NETO2: variants seen among roughly 807,000 people sequenced by gnomAD.
The protein encoded by NETO2 is neuropilin and tolloid like 2.
In NETO2, 28 loss-of-function variants were observed where a neutral mutation model predicts 62.5. The ratio of observed to expected loss-of-function variants is 0.45; its 90% CI spans 0.33 to 0.61. NETO2 has a LOEUF of 0.61. Among genes scored for constraint, NETO2 ranks in the 20% least tolerant of loss-of-function variants. NETO2 has a pLI of 0.02. For missense variants in NETO2, 548 were observed against 643.2 expected (o/e 0.85, Z 1.60); for synonymous variants, 214 against 219.1 (o/e 0.98, Z 0.21).
In NETO2 at chr16:47,083,554, C is replaced by A; in HGVS notation, c.1245G>T (p.Leu415Phe). 1.2e-6 allele frequency: 2 copies of A among 1,614,192 alleles called. No homozygotes were observed. The highest frequency in any genetic ancestry group is 1.7e-6 in the Non-Finnish European group (2 of 1,180,042). Residue 415 changes from leucine to phenylalanine, a missense_variant, in exon 9 of 9, where the codon TTG (leucine) becomes TTT (phenylalanine). Transcript: ENST00000562435. ...TCTGGTAGTTGTCCAATTCTTCCGA[C>A]AAGTCTGCCAGGTCTGCAGAAATCT... ...DKEISADLAD[L>F]SEELDNYQKM...
chr16:47,123,854 C>T (rs558166495), intron 4 of NETO2, among the ~76,000 whole-genome samples: 7 of 152,234 alleles, frequency 4.6e-5, no homozygotes, highest in Non-Finnish European at 8.8e-5. Context: ...TCTGCCACCA[C>T]GCTCAGCTAA....
At chr16:47,120,241 T>C (rs960064620) in intron 6 of NETO2, among the ~76,000 whole-genome samples, 5 of 152,186 alleles carry the variant, frequency 3.3e-5, no homozygotes, top group Non-Finnish European at 7.4e-5. Context: ...TGTTATTTCT[T>C]TCCTAGTTTT....
At chr16:47,122,492 A>G (rs568089541) in intron 6 of NETO2, among the ~76,000 whole-genome samples, 165 bp downstream of exon 6, 1 of 152,336 alleles carries the variant, frequency 6.6e-6, no homozygotes, top group South Asian at 2.1e-4. Flanking sequence ...TAATGCTGGG[A>G]TCTTAGTAGA....
chr16:47,094,401 TG>T (rs1488104160), intron 7 of NETO2, among the ~76,000 whole-genome samples: 1 of 150,784 alleles, frequency 6.6e-6, no homozygotes, highest in African/African-American at 2.5e-5. Context: ...AAGGAAGGTT[TG>T]TTTTATTTAT....
chr16:47,143,912 C>A lies in NETO2; in HGVS notation c.-300G>T, dbSNP rs1187654157. Reference sequence around the variant, plus strand: ...CGCGGCGCGGGACCGGCAGGCAGCTCCGCCCGCGGCCCCGGCGCGGGATCC... The same window carrying A: ...CGCGGCGCGGGACCGGCAGGCAGCTACGCCCGCGGCCCCGGCGCGGGATCC... On this transcript the variant is annotated 5_prime_UTR_variant, in exon 1 of 9. Coordinates refer to ENST00000562435, the MANE Select transcript of NETO2 (RefSeq NM_018092.5). The A allele has an allele frequency of 3.7e-5, 7 of 189,962 alleles. No homozygotes were observed. Among genetic ancestry groups the A allele is most frequent in the Middle Eastern group, 3.8e-3 (2 of 524 alleles). 11.8% of individuals were successfully genotyped at this position (189,962 alleles called of 1,614,324 possible). A position where few individuals can be genotyped will look rare whatever the true frequency, so the allele number is the denominator to read the frequency against.
In NETO2 at chr16:47,083,156, A is replaced by G; in HGVS notation, c.*65T>C. On this transcript the variant is annotated 3_prime_UTR_variant, in exon 9 of 9. Transcript: ENST00000562435. ...GAGAAAAGGGTTGGCTGCTGGAAAC[A>G]GTATGGTGCCCTGGAGGCTGCGTAC... The G allele has an allele frequency of 4.2e-6, 6 of 1,412,738 alleles. No homozygotes were observed. The highest frequency in any genetic ancestry group is 5.8e-6 in the Non-Finnish European group (6 of 1,034,960). The allele number at this position is 1,412,738 out of a possible 1,614,324, so 87.5% of individuals were successfully genotyped here. A position where few individuals can be genotyped will look rare whatever the true frequency, so the allele number is the denominator to read the frequency against.
At chr16:47,084,884 TTATTA>T (rs1963150518) in intron 8 of NETO2, among the ~76,000 whole-genome samples, 1 of 152,212 alleles carries the variant, frequency 6.6e-6, no homozygotes, top group African/African-American at 2.4e-5. Flanking sequence ...TATGATTATT[TTATTA>T]TATATTACAA....
At chr16:47,115,500 T>G (rs1343314076) in intron 6 of NETO2, among the ~76,000 whole-genome samples, 1 of 151,316 alleles carries the variant, frequency 6.6e-6, no homozygotes, top group African/African-American at 2.4e-5. Flanking sequence ...TGAACTACAG[T>G]TTTCATTGCT....
intron 7 of NETO2, among the ~76,000 whole-genome samples, chr16:47,108,256 G>A (rs1324358978): frequency 6.6e-6 from 1 of 152,104 alleles, no homozygotes; most frequent in Non-Finnish European, 1.5e-5. Context: ...TTAGGTAAAC[G>A]CTACAGTAGT....
rs1964516365 is a variant in NETO2, at chr16:47,143,761, C to A, written c.-149G>T. 9.3e-7 allele frequency: 1 copy of A among 1,072,934 alleles called. No homozygotes were observed. The highest frequency in any genetic ancestry group is 1.6e-5 in the African/African-American group (1 of 60,908). The allele number at this position is 1,072,934 out of a possible 1,614,324, so 66.5% of individuals were successfully genotyped here. ...CCGCTCCCCTGAGGAGAGCTCAGGTCCTGCGGCCCGCCATGCCCGAGCCCC... is the reference window on the plus strand; with the variant it reads ...CCGCTCCCCTGAGGAGAGCTCAGGTACTGCGGCCCGCCATGCCCGAGCCCC... On this transcript the variant is annotated 5_prime_UTR_variant, in exon 1 of 9. Transcript: ENST00000562435.
chr16:47,100,030 C>T (rs1963508965), intron 7 of NETO2, among the ~76,000 whole-genome samples: 3 of 152,196 alleles, frequency 2.0e-5, no homozygotes, highest in Admixed American at 2.0e-4. Flanking sequence ...CCACATAACA[C>T]TTATTCTAAA....
At chr16:47,123,793 G>A (rs1441215411) in intron 4 of NETO2, among the ~76,000 whole-genome samples, 2 of 152,176 alleles carry the variant, frequency 1.3e-5, no homozygotes, top group East Asian at 3.8e-4. Context: ...TGCTTCCCGG[G>A]TTCAAGCAAT....
intron 6 of NETO2, among the ~76,000 whole-genome samples, chr16:47,118,977 T>C (rs777095281): frequency 2.2e-4 from 33 of 152,138 alleles, no homozygotes; most frequent in Non-Finnish European, 1.8e-4. Context: ...TTTTAATCTA[T>C]AGGTTCTTGT....
At chr16:47,096,091 G>A (rs1393748342) in intron 7 of NETO2, among the ~76,000 whole-genome samples, 1 of 151,990 alleles carries the variant, frequency 6.6e-6, no homozygotes, top group Non-Finnish European at 1.5e-5. Context: ...AGAAATCCAC[G>A]GGAAATTATA....
At chr16:47,105,417 T>C (rs1963653330) in intron 7 of NETO2, among the ~76,000 whole-genome samples, 2 of 152,086 alleles carry the variant, frequency 1.3e-5, no homozygotes, top group African/African-American at 4.8e-5. Flanking sequence ...TGAGAAAAGC[T>C]TCATGACATT....
intron 6 of NETO2, 21 bp downstream of exon 6, chr16:47,122,636 C>A (rs376818415): frequency 1.2e-6 from 2 of 1,604,026 alleles, no homozygotes; most frequent in Non-Finnish European, 1.7e-6. Flanking sequence ...TTCTCTGAAG[C>A]GACTCAATAC....
rs1268556826 is a variant in NETO2, at chr16:47,126,178, C to T, written c.481+2147G>A. On this transcript the variant is annotated intron_variant, in intron 4 of 8. Coordinates refer to ENST00000562435, the MANE Select transcript of NETO2 (RefSeq NM_018092.5). ...GAATTTACTCAAATGAATTAACTCA[C>T]GTCCACACAAAAACCTGCACATGAA... Among the ~76,000 whole-genome samples the T allele has an allele frequency of 3.9e-5, 6 of 152,148 alleles. No individual in the cohort carries two copies. In the South Asian group the frequency reaches 1.0e-3, roughly 26 times the overall value.
At position 47,083,362 on chromosome 16, in the gene NETO2, C is replaced by T. The variant is rs763700830; in HGVS notation, c.1437G>A (p.Lys479=). 6.2e-7 allele frequency: 1 copy of T among 1,614,188 alleles called. No individual in the cohort carries two copies. The highest frequency in any genetic ancestry group is 1.1e-5 in the South Asian group (1 of 91,082). ...QPMKTFNSTF[K]KSSYTFKQGH... ...CCTGTTTGAAAGTGTAACTACTTTTCTTGAAGGTGCTATTAAATGTTTTCA... is the reference window on the plus strand; with the variant it reads ...CCTGTTTGAAAGTGTAACTACTTTTTTTGAAGGTGCTATTAAATGTTTTCA... The change falls in exon 9 of 9, where the codon AAG becomes AAA. Residue 479 remains lysine, a synonymous_variant. Coordinates refer to ENST00000562435, the MANE Select transcript of NETO2 (RefSeq NM_018092.5).
chr16:47,119,744 G>A (rs1378627804), intron 6 of NETO2, among the ~76,000 whole-genome samples: 1 of 151,856 alleles, frequency 6.6e-6, no homozygotes, highest in Non-Finnish European at 1.5e-5. Context: ...TTTCCATACT[G>A]ATTTCTTCTG....
Sources: gnomAD v4.1 joint callset for allele counts (sites outside exome capture counted in the v4.1 genomes callset) on GRCh38, gnomAD v4.1.1 for gene constraint, MANE v1.5 for transcripts, NCBI Gene and HGNC (gene_info 2026-07-23, HGNC 2026-07-21) for gene names.